Variants in DCLK1 observed in about 807,000 individuals in gnomAD.
DCLK1 encodes serine/threonine-protein kinase DCLK1.
DCLK1 carries 16 observed loss-of-function variants against 86.2 expected under a neutral mutation model. The ratio of observed to expected loss-of-function variants is 0.19; its 90% confidence interval spans 0.13 to 0.28. The LOEUF is 0.28. Ranked by LOEUF, DCLK1 falls within the 10% of genes least tolerant of loss-of-function variation. The pLI, the probability that DCLK1 is intolerant of heterozygous loss-of-function variation, is 1.00. For missense variants in DCLK1, 590 were observed against 940.2 expected (o/e 0.63, Z 4.87); for synonymous variants, 369 against 370.5 (o/e 1.00, Z 0.05).
intron 2 of DCLK1, among the ~76,000 whole-genome samples, chr13:36,116,657 T>A (rs1386042238): frequency 6.6e-6 from 1 of 152,224 alleles, no homozygotes; most frequent in Non-Finnish European, 1.5e-5. Flanking sequence ...CTAGGCTTCC[T>A]TTAAGATCAA....
chr13:35,826,532 A>G (rs1566553224), intron 10 of DCLK1, among the ~76,000 whole-genome samples: 11 of 76,072 alleles, frequency 1.4e-4, no homozygotes, highest in Non-Finnish European at 2.0e-4. Flanking sequence ...TCAAAAAAAA[A>G]AAAAAAAAAA....
Position 35,803,081 on chromosome 13 carries a change from T to C in DCLK1, c.1944+2618A>G, listed in dbSNP as rs543846020. Among the ~76,000 whole-genome samples, 4 of 152,320 alleles carry C rather than the reference T, an allele frequency of 2.6e-5. No homozygotes were observed. The South Asian group carries it at 6.2e-4, about 24-fold the overall frequency. On this transcript the variant is annotated intron_variant, in intron 15 of 16. Coordinates refer to ENST00000360631, the MANE Select transcript of DCLK1 (RefSeq NM_001330071.2). ...CATGTGTAACAAAGGGTGGGGTAGA[T>C]GTAATGTGATGCATGGGACTTTAAA... is the stretch of plus-strand genomic sequence containing the variant.
intron 1 of DCLK1, among the ~76,000 whole-genome samples, chr13:36,127,094 G>C (rs959218937): frequency 5.9e-5 from 9 of 152,344 alleles, no homozygotes; most frequent in African/African-American, 1.9e-4. Flanking sequence ...AGGGCAGGCA[G>C]CATAACAGTC....
At chr13:35,985,310 G>A (rs1879846719) in intron 3 of DCLK1, among the ~76,000 whole-genome samples, 1 of 151,986 alleles carries the variant, frequency 6.6e-6, no homozygotes, top group Non-Finnish European at 1.5e-5. Context: ...CAGGGTATGA[G>A]GATCAACAAT....
At chr13:35,876,873 T>A (rs4943348) in intron 4 of DCLK1, among the ~76,000 whole-genome samples, 50,039 of 151,954 alleles carry the variant, frequency 0.33, 9,347 homozygotes, top group African/African-American at 0.51. Flanking sequence ...TGACCCAGAC[T>A]CTCCTTAAGA....
At chr13:35,911,022 G>A (rs2153124703) in intron 4 of DCLK1, among the ~76,000 whole-genome samples, 1 of 151,576 alleles carries the variant, frequency 6.6e-6, no homozygotes, top group South Asian at 2.1e-4. Flanking sequence ...GGCGGCTGAT[G>A]CCTGTAATCC....
At chr13:35,903,323 C>T (rs969501669) in intron 4 of DCLK1, among the ~76,000 whole-genome samples, 1 of 152,156 alleles carries the variant, frequency 6.6e-6, no homozygotes, top group African/African-American at 2.4e-5. Context: ...TAAGAGGAGG[C>T]AGAGGCACTG....
Position 36,065,985 on chromosome 13 carries a change from C to A in DCLK1, c.723+45884G>T, listed in dbSNP as rs74046720. Among the ~76,000 whole-genome samples, 977 of 151,984 alleles carry A rather than the reference C, an allele frequency of 6.4e-3. 17 individuals carry two copies. Among genetic ancestry groups the A allele is most frequent in the African/African-American group, 0.023 (941 of 41,466 alleles). On this transcript the variant is annotated intron_variant, in intron 3 of 16. Coordinates refer to ENST00000360631, the MANE Select transcript of DCLK1 (RefSeq NM_001330071.2). ...TTATGGCTGTTTTTTTTATTTTCTT[C>A]TTCATACCAAATGCTATATTTTCCA...
chr13:35,965,421 G>A (rs1006552833), intron 3 of DCLK1, among the ~76,000 whole-genome samples: 3 of 152,302 alleles, frequency 2.0e-5, no homozygotes, highest in Non-Finnish European at 2.9e-5. Flanking sequence ...TTTGTACTGC[G>A]TGCATGTGCC....
intron 3 of DCLK1, among the ~76,000 whole-genome samples, chr13:36,068,843 A>T (rs1422766133): frequency 6.6e-6 from 1 of 152,206 alleles, no homozygotes; most frequent in African/African-American, 2.4e-5. Context: ...CAAAGTACGT[A>T]GTCTTTCAAA....
intron 3 of DCLK1, among the ~76,000 whole-genome samples, chr13:35,970,997 A>G (rs1336936134): frequency 6.6e-6 from 1 of 152,192 alleles, no homozygotes; most frequent in African/African-American, 2.4e-5. Context: ...GGAGTAACAG[A>G]GAAACAAGCT....
At chr13:35,937,784 T>A (rs1271271898) in intron 4 of DCLK1, among the ~76,000 whole-genome samples, 2 of 152,110 alleles carry the variant, frequency 1.3e-5, no homozygotes, top group African/African-American at 4.8e-5. Flanking sequence ...AGTTACCCAA[T>A]GGTATAACAA....
chr13:35,825,037 C>T (rs1278824722), intron 10 of DCLK1, among the ~76,000 whole-genome samples: 4 of 152,308 alleles, frequency 2.6e-5, no homozygotes, highest in African/African-American at 9.6e-5. Flanking sequence ...ACATAGGCAG[C>T]CTGCGTGTGC....
chr13:36,054,912 G>A (rs374579029), intron 3 of DCLK1, among the ~76,000 whole-genome samples: 196 of 152,156 alleles, frequency 1.3e-3, no homozygotes, highest in African/African-American at 4.2e-3. Context: ...AAAGTAGTGC[G>A]GTGGGGATAT....
At chr13:35,920,562 T>C (rs1875737420) in intron 4 of DCLK1, among the ~76,000 whole-genome samples, 1 of 152,058 alleles carries the variant, frequency 6.6e-6, no homozygotes, top group Non-Finnish European at 1.5e-5. Context: ...GCACGGGGGT[T>C]GTGGAGGAAA....
chr13:36,070,006 G>A (rs527515499), intron 3 of DCLK1, among the ~76,000 whole-genome samples: 32 of 152,222 alleles, frequency 2.1e-4, no homozygotes, highest in Admixed American at 7.8e-4. Flanking sequence ...CTTTATGTCC[G>A]GTGAAGAGTG....
At chr13:35,862,032 C>CAAAAAAAA (rs36091477) in intron 5 of DCLK1, among the ~76,000 whole-genome samples, 12 of 71,128 alleles carry the variant, frequency 1.7e-4, no homozygotes, top group East Asian at 9.5e-4. Flanking sequence ...GACTCCGTCT[C>CAAAAAAAA]AAAAAAAAAA....
intron 15 of DCLK1, among the ~76,000 whole-genome samples, chr13:35,797,619 T>C (rs2086838200): frequency 6.6e-6 from 1 of 152,036 alleles, no homozygotes; most frequent in Non-Finnish European, 1.5e-5. Flanking sequence ...TTTTTTCCAA[T>C]GAAATAAGGT....
intron 12 of DCLK1, 95 bp downstream of exon 12, chr13:35,810,740 T>C (rs1217501265): frequency 7.0e-7 from 1 of 1,420,006 alleles, no homozygotes; most frequent in Non-Finnish European, 9.5e-7. Flanking sequence ...TAGCTAATTA[T>C]GTCTGGATAG....
Sources: allele counts gnomAD v4.1 joint callset (sites outside exome capture counted in the v4.1 genomes callset), GRCh38; gene constraint gnomAD v4.1.1; transcripts MANE v1.5; gene names NCBI Gene and HGNC (gene_info 2026-07-23, HGNC 2026-07-21).